Variants in XYLT1 observed in about 807,000 individuals in gnomAD.
XYLT1 encodes xylosyltransferase 1.
Under a neutral mutation model 91.3 loss-of-function variants are expected in XYLT1, and 36 were observed. That is an observed-to-expected ratio of 0.39 (90% CI 0.30 to 0.52). The LOEUF (loss-of-function observed/expected upper bound fraction) is 0.52. Ranked by LOEUF, XYLT1 falls within the 20% of genes least tolerant of loss-of-function variation. The probability of loss-of-function intolerance (pLI) is 0.68; values close to 1 mark genes in which losing one functional copy is unlikely to be tolerated. For synonymous variants in XYLT1, 588 were observed against 532.0 expected (o/e 1.11, Z -1.45); for missense variants, 1,242 against 1,284.5 (o/e 0.97, Z 0.51).
chr16:17,334,185 A>G (rs1276650733), intron 2 of XYLT1, among the ~76,000 whole-genome samples: 1 of 152,180 alleles, frequency 6.6e-6, no homozygotes, highest in East Asian at 1.9e-4. Context: ...ACTGTGAGCA[A>G]TACATTTCTG....
intron 2 of XYLT1, among the ~76,000 whole-genome samples, chr16:17,270,383 C>G (rs2033871313): frequency 6.6e-6 from 1 of 152,186 alleles, no homozygotes; most frequent in South Asian, 2.1e-4. Context: ...TCCCCTCTTC[C>G]CAACCCCACC....
intron 1 of XYLT1, among the ~76,000 whole-genome samples, chr16:17,429,960 A>T (rs901881652): frequency 7.1e-6 from 1 of 141,712 alleles, no homozygotes; most frequent in Non-Finnish European, 1.5e-5. Flanking sequence ...TTTTTGAGAC[A>T]GAGTCTTGCT....
chr16:17,223,489 T>C (rs775952994), intron 3 of XYLT1, among the ~76,000 whole-genome samples: 2 of 152,244 alleles, frequency 1.3e-5, no homozygotes, highest in Admixed American at 6.5e-5. Flanking sequence ...GCCAATAAAA[T>C]AGAAATGTGA....
At chr16:17,314,380 C>A (rs372115589) in intron 2 of XYLT1, among the ~76,000 whole-genome samples, 24 of 152,130 alleles carry the variant, frequency 1.6e-4, no homozygotes, top group African/African-American at 5.6e-4. Flanking sequence ...CCCCGCTGCA[C>A]GTTGCCGAGT....
At chr16:17,330,104 T>TACACACACACACACAC (rs35148093) in intron 2 of XYLT1, among the ~76,000 whole-genome samples, 5,383 of 144,482 alleles carry the variant, frequency 0.037, 129 homozygotes, top group South Asian at 0.069. Flanking sequence ...TGGAGGTAGA[T>TACACACACACACACAC]ACACACACAC....
In XYLT1 at chr16:17,333,587, A is replaced by ATT. The variant is rs140911793; in HGVS notation, c.402+24423_402+24424dup. Among the ~76,000 whole-genome samples the ATT allele has an allele frequency of 4.6e-3, 651 of 140,118 alleles. 13 individuals are homozygous for ATT. Among genetic ancestry groups the ATT allele is most frequent in the Admixed American group, 5.9e-3 (82 of 13,952 alleles). 91.9% of individuals were successfully genotyped at this position (140,118 alleles called of 152,430 possible). On this transcript the variant is annotated intron_variant, in intron 2 of 11. Transcript: ENST00000261381. The stretch of plus-strand genomic sequence containing the variant: ...TGAAATTAATTAATTAATTAATTTA[A>ATT]TTTATTTTTTTTTTTTTTGAGATGA...
chr16:17,439,771 T>A (rs999319628), intron 1 of XYLT1, among the ~76,000 whole-genome samples: 6 of 152,158 alleles, frequency 3.9e-5, no homozygotes, highest in African/African-American at 1.4e-4. Context: ...ACTCAACCAC[T>A]TCCTATAAGA....
chr16:17,429,439 T>C (rs1596541252), intron 1 of XYLT1, among the ~76,000 whole-genome samples: 1 of 152,192 alleles, frequency 6.6e-6, no homozygotes, highest in Admixed American at 6.5e-5. Context: ...GGATGGCGAA[T>C]TCTTAAGTTC....
intron 9 of XYLT1, among the ~76,000 whole-genome samples, chr16:17,129,087 A>AAC (rs1436865398): frequency 6.7e-5 from 10 of 149,720 alleles, no homozygotes; most frequent in Admixed American, 6.6e-5. Flanking sequence ...AAAAAAAAAA[A>AAC]AAAAAAAAAA....
At chr16:17,461,633 T>C (rs764645170) in intron 1 of XYLT1, among the ~76,000 whole-genome samples, 1 of 151,860 alleles carries the variant, frequency 6.6e-6, no homozygotes, top group Non-Finnish European at 1.5e-5. Flanking sequence ...CTTAGACAAA[T>C]AGATGAATGG....
At chr16:17,244,635 T>C (rs1567339141) in intron 3 of XYLT1, among the ~76,000 whole-genome samples, 1 of 152,226 alleles carries the variant, frequency 6.6e-6, no homozygotes, top group Non-Finnish European at 1.5e-5. Context: ...TCGAATGTCC[T>C]GGGGCATCCG....
intron 1 of XYLT1, among the ~76,000 whole-genome samples, chr16:17,425,617 C>G (rs183836564): frequency 6.6e-6 from 1 of 152,308 alleles, no homozygotes; most frequent in Non-Finnish European, 1.5e-5. Context: ...GTTAATTGTT[C>G]ATAGGAAAGT....
chr16:17,136,405 C>T (rs1260867492), intron 8 of XYLT1, among the ~76,000 whole-genome samples: 1 of 152,122 alleles, frequency 6.6e-6, no homozygotes, highest in Admixed American at 6.6e-5. Flanking sequence ...CTTCAGGAAA[C>T]CTCTCTGTGG....
At chr16:17,123,208 G>A (rs192919349) in intron 10 of XYLT1, among the ~76,000 whole-genome samples, 101 of 152,290 alleles carry the variant, frequency 6.6e-4, no homozygotes, top group African/African-American at 2.4e-3. Flanking sequence ...CCATCCATGA[G>A]CATGACATTT....
intron 11 of XYLT1, among the ~76,000 whole-genome samples, chr16:17,113,208 C>T (rs1966845804): frequency 6.6e-6 from 1 of 151,590 alleles, no homozygotes; most frequent in African/African-American, 2.4e-5. Flanking sequence ...GTGGTGTGAT[C>T]TTGGCTCACT....
chr16:17,117,744 A>G lies in XYLT1; in HGVS notation c.2459T>C (p.Val820Ala), dbSNP rs1182625524. The G allele has an allele frequency of 6.2e-7, 1 of 1,614,016 alleles. No individual in the cohort carries two copies. The highest frequency in any genetic ancestry group is 8.5e-7 in the Non-Finnish European group (1 of 1,180,008). The change falls in exon 11 of 12, where the codon GTC becomes GCC. Residue 820 changes from valine to alanine, a missense_variant. Physicochemically the swap from Val to Ala is moderately conservative, Grantham distance 64 (BLOSUM62 0). Transcript: ENST00000261381. ...PPLNLPLRPG[V>A]WTVKILHHWV... ...GTGGTGGAGAATTTTCACTGTCCAG[A>G]CCCCAGGCCTCAGGGGCAAGTTCAA... is the stretch of plus-strand genomic sequence containing the variant.
At chr16:17,412,231 G>A (rs533374094) in intron 1 of XYLT1, among the ~76,000 whole-genome samples, 1 of 152,110 alleles carries the variant, frequency 6.6e-6, no homozygotes, top group East Asian at 1.9e-4. Context: ...TGTTCTCACA[G>A]CCACCGTGCA....
At position 17,105,731 on chromosome 16, in the gene XYLT1, C is replaced by T. The variant is rs1443680152; in HGVS notation, c.*2964G>A. The T allele has an allele frequency of 6.6e-6, 1 of 152,206 alleles. No individual in the cohort carries two copies. The highest frequency in any genetic ancestry group is 1.5e-5 in the Non-Finnish European group (1 of 68,050). The allele number at this position is 152,206 out of a possible 1,614,324, so 9.4% of individuals were successfully genotyped here. A position where few individuals can be genotyped will look rare whatever the true frequency, so the allele number is the denominator to read the frequency against. ...CACTGGCTCAGCTCACAGCTGCAGG[C>T]TGTAATAGGTTTCCAGAGACCACAG... On this transcript the variant is annotated 3_prime_UTR_variant, in exon 12 of 12. Coordinates refer to ENST00000261381, the MANE Select transcript of XYLT1 (RefSeq NM_022166.4).
At chr16:17,327,361 C>CTTTTTTTTTTTTT (rs138879762) in intron 2 of XYLT1, among the ~76,000 whole-genome samples, 1 of 108,084 alleles carries the variant, frequency 9.3e-6, no homozygotes, top group African/African-American at 3.5e-5. Flanking sequence ...TTTCTTTTTT[C>CTTTTTTTTTTTTT]TTTTTTTTTT....
Sources: gnomAD v4.1 joint callset for allele counts (sites outside exome capture counted in the v4.1 genomes callset) on GRCh38, gnomAD v4.1.1 for gene constraint, MANE v1.5 for transcripts, NCBI Gene and HGNC (gene_info 2026-07-23, HGNC 2026-07-21) for gene names.